The following PROZ variants were observed in gnomAD, a reference collection of about 807,000 sequenced individuals.
PROZ encodes protein Z, vitamin K dependent plasma glycoprotein.
In PROZ, 46 loss-of-function variants were observed where a neutral mutation model predicts 34.9. The observed-to-expected ratio is 1.32, with a 90% CI of 1.04 to 1.69. The LOEUF is 1.69. Among genes scored for constraint, PROZ ranks in the 40% most tolerant of loss-of-function variants. The probability of loss-of-function intolerance (pLI) is 0.00; values close to 1 mark genes in which losing one functional copy is unlikely to be tolerated. For missense variants in PROZ, 530 were observed against 520.4 expected, an observed-to-expected ratio of 1.02 and a Z score of -0.18; for synonymous variants, 195 against 208.5, an observed-to-expected ratio of 0.94 and a Z score of 0.56.
In PROZ at chr13:113,159,700, C is replaced by T. The variant is rs2036727431; in HGVS notation, c.71-314C>T. Among the ~76,000 whole-genome samples the T allele has an allele frequency of 6.6e-6, 1 of 152,252 alleles. No homozygotes were observed. Among genetic ancestry groups the T allele is most frequent in the Admixed American group, 6.5e-5 (1 of 15,292 alleles). Reference sequence around the variant, plus strand: ...ACGGGGACCTTTGACCCCAGCTCAGCCTTCCTTCGCACTCAGACCCAAAAC... The same window carrying T: ...ACGGGGACCTTTGACCCCAGCTCAGTCTTCCTTCGCACTCAGACCCAAAAC... On this transcript the variant is annotated intron_variant, in intron 1 of 7. Coordinates refer to ENST00000375547, the MANE Select transcript of PROZ (RefSeq NM_003891.3). This position sits in a 1 kb window ranked among gnomAD's most constrained non-coding sequence, Gnocchi z 4.6.
Position 113,172,318 on chromosome 13 carries a change from T to C in PROZ, c.*213T>C, listed in dbSNP as rs2037132105. Reference sequence around the variant, plus strand: ...CTTTCCCTGGAACTCTTTATCTCAATAGAGACCTTAAAAGAAAACATGAGA... The same window carrying C: ...CTTTCCCTGGAACTCTTTATCTCAACAGAGACCTTAAAAGAAAACATGAGA... On this transcript the variant is annotated 3_prime_UTR_variant, in exon 8 of 8. Transcript: ENST00000375547. 3.2e-6 allele frequency: 2 copies of C among 615,498 alleles called. No homozygotes were observed. Among genetic ancestry groups the C allele is most frequent in the Admixed American group, 5.8e-5 (2 of 34,708 alleles). The allele number at this position is 615,498 out of a possible 1,614,324, so 38.1% of individuals were successfully genotyped here. A position where few individuals can be genotyped will look rare whatever the true frequency, so the allele number is the denominator to read the frequency against.
chr13:113,168,683 G>T (rs1050052967), intron 6 of PROZ, among the ~76,000 whole-genome samples: 1 of 152,162 alleles, frequency 6.6e-6, no homozygotes, highest in Non-Finnish European at 1.5e-5. Flanking sequence ...TGAGATTCTT[G>T]TATTTGTGGG....
chr13:113,171,468 G>A lies in PROZ; in HGVS notation c.692-126G>A, dbSNP rs1052214243. The A allele has an allele frequency of 1.4e-5, 17 of 1,176,290 alleles. No individual in the cohort carries two copies. Among genetic ancestry groups the A allele is most frequent in the Middle Eastern group, 1.9e-4 (1 of 5,178 alleles). 72.9% of individuals were successfully genotyped at this position (1,176,290 alleles called of 1,614,324 possible). ...AGGCACAGTGTCCACACCACGGGGC[G>A]GTGAGCCTGCGGGTCCTCCAGGGCC... On this transcript the variant is annotated intron_variant, in intron 7 of 7. Coordinates refer to ENST00000375547, the MANE Select transcript of PROZ (RefSeq NM_003891.3). The surrounding 1 kb of genome is among the most constrained non-coding windows in gnomAD (Gnocchi z 5.1).
rs370012203 is a variant in PROZ, at chr13:113,160,989, G to A, written c.259+17G>A. ...GATATAAGGGTAAGTGGTTTCCTTC[G>A]TCTCCTCAGAAGTATTAATTCCTCG... On this transcript the variant is annotated intron_variant, in intron 3 of 7. Transcript: ENST00000375547. The A allele has an allele frequency of 8.1e-6, 13 of 1,603,072 alleles. No homozygotes were observed. The highest frequency in any genetic ancestry group is 3.8e-4 in the Middle Eastern group (2 of 5,280).
intron 6 of PROZ, among the ~76,000 whole-genome samples, chr13:113,169,965 C>T (rs76511814): frequency 2.0e-3 from 298 of 152,342 alleles, no homozygotes; most frequent in African/African-American, 6.9e-3. Flanking sequence ...CCTCCCTGGG[C>T]TCTCAGCTTT....
intron 6 of PROZ, among the ~76,000 whole-genome samples, chr13:113,169,045 T>C (rs2037031960): frequency 6.6e-6 from 1 of 152,200 alleles, no homozygotes; most frequent in South Asian, 2.1e-4. Flanking sequence ...TTTCAGATTT[T>C]TTTTCTCTCC....
chr13:113,159,887 C>T lies in PROZ; in HGVS notation c.71-127C>T, dbSNP rs528556742. 5.9e-6 allele frequency: 7 copies of T among 1,179,374 alleles called. No homozygotes were observed. Among genetic ancestry groups the T allele is most frequent in the Admixed American group, 1.7e-5 (1 of 58,536 alleles). 73.1% of individuals were successfully genotyped at this position (1,179,374 alleles called of 1,614,324 possible). A position where few individuals can be genotyped will look rare whatever the true frequency, so the allele number is the denominator to read the frequency against. On this transcript the variant is annotated intron_variant, in intron 1 of 7. Transcript: ENST00000375547. The surrounding 1 kb of genome is among the most constrained non-coding windows in gnomAD (Gnocchi z 4.6). ...AGTAGCGGGGTGGCCCTGAGGCCCT[C>T]GCAGGCTGAGAGCCTGTGGAGACGG...
At chr13:113,167,713 T>G (rs1415222145) in intron 6 of PROZ, among the ~76,000 whole-genome samples, 1 of 152,260 alleles carries the variant, frequency 6.6e-6, no homozygotes, top group Non-Finnish European at 1.5e-5. Flanking sequence ...TAGTATATAA[T>G]TGGCTTTCAT....
At chr13:113,164,715 G>GT in intron 5 of PROZ, 71 bp downstream of exon 5, 1 of 1,593,740 alleles carries the variant, frequency 6.3e-7, no homozygotes, top group African/African-American at 1.3e-5. Context: ...CCTTCCTTCT[G>GT]TAGTACTGGG....
rs1280707227 is a variant in PROZ, at chr13:113,171,261, A to T, written c.692-333A>T. ...CAATCAACAAAATAACGTGAAAACC[A>T]CTTCTCAACAGCCAATGTTTGACTG... On this transcript the variant is annotated intron_variant, in intron 7 of 7. Transcript: ENST00000375547. This position sits in a 1 kb window ranked among gnomAD's most constrained non-coding sequence, Gnocchi z 5.1. 6.6e-6 allele frequency among the ~76,000 whole-genome samples: 1 copy of T among 152,146 alleles called. No homozygotes were observed. The highest frequency in any genetic ancestry group is 1.5e-5 in the Non-Finnish European group (1 of 68,022).
chr13:113,160,278 A>G (rs554021154), intron 2 of PROZ, 101 bp downstream of exon 2: 16 of 1,368,134 alleles, frequency 1.2e-5, no homozygotes, highest in South Asian at 3.6e-5. Context: ...TAATTAGCCT[A>G]TTTACTTACC....
Position 113,172,068 on chromosome 13 carries a change from C to G in PROZ, c.1166C>G (p.Ser389Cys). 6.2e-7 allele frequency: 1 copy of G among 1,613,014 alleles called. No individual in the cohort carries two copies. Among genetic ancestry groups the G allele is most frequent in the African/African-American group, 1.3e-5 (1 of 75,044 alleles). Residue 389 changes from serine (S) to cysteine (C), a missense_variant, in exon 8 of 8, where the codon TCC becomes TGC. Transcript: ENST00000375547. ...QAHMVLVTKVSRYSLWFKQIM... is the reference protein window; with the variant it reads ...QAHMVLVTKVCRYSLWFKQIM... Reference sequence around the variant, plus strand: ...CACATGGTCCTTGTCACCAAGGTCTCCAGGTACTCACTCTGGTTTAAACAG... The same window carrying G: ...CACATGGTCCTTGTCACCAAGGTCTGCAGGTACTCACTCTGGTTTAAACAG...
At position 113,163,140 on chromosome 13, in the gene PROZ, C is replaced by G. The variant is rs1323664418; in HGVS notation, c.373+18C>G. Reference sequence around the variant, plus strand: ...CGAGCTGGGTGAGGCCCCGGCCGTCCCCTTCCCCCAAGGGCCTCCCTGGGC... The same window carrying G: ...CGAGCTGGGTGAGGCCCCGGCCGTCGCCTTCCCCCAAGGGCCTCCCTGGGC... On this transcript the variant is annotated intron_variant, in intron 4 of 7. Transcript: ENST00000375547. The G allele has an allele frequency of 3.9e-6, 6 of 1,535,528 alleles. No homozygotes were observed. The highest frequency in any genetic ancestry group is 5.3e-6 in the Non-Finnish European group (6 of 1,132,838).
rs774943503 is a variant in PROZ at position 113,171,884 on chromosome 13, G to A, written c.982G>A (p.Gly328Arg). ...PVTLVEGEEC[G>R]QVLNVTVTTR... ...CACACTTGTGGAGGGGGAGGAGTGC[G>A]GGCAGGTCCTGAATGTGACTGTCAC... Residue 328 changes from glycine (G) to arginine (R), a missense_variant, in exon 8 of 8, where the codon GGG (glycine) becomes AGG (arginine). By Grantham distance (125) the Gly-to-Arg change is moderately radical. Transcript: ENST00000375547. This position sits in a 1 kb window ranked among gnomAD's most constrained non-coding sequence, Gnocchi z 5.1. The A allele has an allele frequency of 1.6e-5, 26 of 1,613,564 alleles. No homozygotes were observed. The highest frequency in any genetic ancestry group is 1.6e-4 in the Middle Eastern group (1 of 6,084).
intron 7 of PROZ, among the ~76,000 whole-genome samples, chr13:113,170,904 C>T (rs993392497): frequency 3.3e-5 from 5 of 151,050 alleles, no homozygotes; most frequent in South Asian, 2.1e-4. Context: ...GCCTTCTCAT[C>T]GGCTTATCTG....
intron 4 of PROZ, among the ~76,000 whole-genome samples, chr13:113,163,920 G>C (rs2138581786): frequency 6.6e-6 from 1 of 150,518 alleles, no homozygotes; most frequent in Non-Finnish European, 1.5e-5. Context: ...GCGTGGATTA[G>C]TCCATGTGGA....
Position 113,170,507 on chromosome 13 carries a change from A to G in PROZ, c.668A>G (p.His223Arg), listed in dbSNP as rs771427173. Residue 223 changes from histidine to arginine, a missense_variant, in exon 7 of 8, where the codon CAC becomes CGC. Physicochemically the swap from His to Arg is conservative, Grantham distance 29. Coordinates refer to ENST00000375547, the MANE Select transcript of PROZ (RefSeq NM_003891.3). ...VLTTAKCSLLHRNITVKTYFN... is the reference protein window; with the variant it reads ...VLTTAKCSLLRRNITVKTYFN... ...ACAACAGCAAAATGTTCACTGTTAC[A>G]CAGGAATATTACTGTAAAAACATGT... 9 of 1,589,656 alleles carry G rather than the reference A, an allele frequency of 5.7e-6. No individual in the cohort carries two copies. Among genetic ancestry groups the G allele is most frequent in the African/African-American group, 2.7e-5 (2 of 74,372 alleles).
In PROZ at chr13:113,164,884, A is replaced by C. The variant is rs1164212952; in HGVS notation, c.506-169A>C. The stretch of plus-strand genomic sequence containing the variant: ...CATGAGTGCTGTGAGGGGTGGTTTA[A>C]CTCCAGTCTGTGTGTCTGTGAATTA... On this transcript the variant is annotated intron_variant, in intron 5 of 7. Coordinates refer to ENST00000375547, the MANE Select transcript of PROZ (RefSeq NM_003891.3). 3.2e-6 allele frequency: 3 copies of C among 942,436 alleles called. No individual in the cohort carries two copies. The East Asian group carries it at 7.8e-5, about 25-fold the overall frequency. 58.4% of individuals were successfully genotyped at this position (942,436 alleles called of 1,614,324 possible).
chr13:113,170,350 C>T (rs1461110220), intron 6 of PROZ, 63 bp from the exon 7 acceptor site: 1 of 1,039,124 alleles, frequency 9.6e-7, no homozygotes, highest in Non-Finnish European at 1.5e-6. Flanking sequence ...ATCCAGTAGA[C>T]TTTACTGCCC....
Sources: allele counts gnomAD v4.1 joint callset (sites outside exome capture counted in the v4.1 genomes callset), GRCh38; gene constraint gnomAD v4.1.1; non-coding constraint Gnocchi (gnomAD v3.1); transcripts MANE v1.5; gene names NCBI Gene and HGNC (gene_info 2026-07-23, HGNC 2026-07-21).